Variants in MRPS9 observed in about 807,000 individuals in gnomAD.
MRPS9 encodes the protein mitochondrial ribosomal protein S9.
In MRPS9, 45 loss-of-function variants were observed where a neutral mutation model predicts 59.9. That is an observed-to-expected ratio of 0.75 (90% confidence interval 0.59 to 0.96). MRPS9 has a LOEUF of 0.96. Among genes scored for constraint, MRPS9 ranks in the 40% least tolerant of loss-of-function variants. The pLI, the probability that MRPS9 is intolerant of heterozygous loss-of-function variation, is 0.00. For synonymous variants in MRPS9, 171 were observed against 166.8 expected (o/e 1.03, Z -0.19); for missense variants, 473 against 481.1 (o/e 0.98, Z 0.16).
In MRPS9 at chr2:105,092,640, T is replaced by C; in HGVS notation, c.820+71T>C. ...AAACTACAATTATTTTTATTTGCTA[T>C]TGCTTTCTGGTATCCATTAGATTTT... is the stretch of plus-strand genomic sequence containing the variant. On this transcript the variant is annotated intron_variant, in intron 8 of 10. Coordinates refer to ENST00000258455, the MANE Select transcript of MRPS9 (RefSeq NM_182640.3). 3.1e-6 allele frequency: 4 copies of C among 1,290,996 alleles called. No individual in the cohort carries two copies. In the South Asian group the frequency reaches 4.9e-5, roughly 16 times the overall value. 80.0% of individuals were successfully genotyped at this position (1,290,996 alleles called of 1,614,324 possible).
intron 2 of MRPS9, among the ~76,000 whole-genome samples, chr2:105,060,414 T>C (rs1483286452): frequency 6.6e-6 from 1 of 152,186 alleles, no homozygotes; most frequent in Non-Finnish European, 1.5e-5. Flanking sequence ...CCCAAGTATC[T>C]GAGATTACAC....
chr2:105,050,828 A>T (rs983356466), intron 2 of MRPS9, among the ~76,000 whole-genome samples: 1 of 152,202 alleles, frequency 6.6e-6, no homozygotes, highest in African/African-American at 2.4e-5. Flanking sequence ...GGACTTTCAT[A>T]TAAGTAGAGT....
intron 1 of MRPS9, among the ~76,000 whole-genome samples, chr2:105,047,365 A>T (rs1004499675): frequency 1.3e-5 from 2 of 151,652 alleles, no homozygotes; most frequent in Non-Finnish European, 2.9e-5. Flanking sequence ...AAAAACATAT[A>T]TTTTTTTCAT....
At chr2:105,068,392 A>G (rs575456069) in intron 2 of MRPS9, among the ~76,000 whole-genome samples, 7 of 152,320 alleles carry the variant, frequency 4.6e-5, no homozygotes, top group African/African-American at 1.7e-4. Context: ...TCAGAATTAT[A>G]GTATCAGTGT....
intron 2 of MRPS9, among the ~76,000 whole-genome samples, chr2:105,052,745 G>A (rs1050194426): frequency 1.3e-5 from 2 of 152,070 alleles, no homozygotes; most frequent in Non-Finnish European, 2.9e-5. Flanking sequence ...ATCTGGGCCT[G>A]GGCTTTTCTT....
At chr2:105,056,192 T>C (rs79034757) in intron 2 of MRPS9, among the ~76,000 whole-genome samples, 1 of 87,316 alleles carries the variant, frequency 1.1e-5, no homozygotes, top group Non-Finnish European at 2.6e-5. Context: ...ATAGGTATCT[T>C]TTTTTTTTTT....
At chr2:105,062,784 G>A (rs1424621896) in intron 2 of MRPS9, among the ~76,000 whole-genome samples, 4 of 152,138 alleles carry the variant, frequency 2.6e-5, no homozygotes, top group African/African-American at 4.8e-5. Flanking sequence ...GTCAGTGAGC[G>A]TAGTAGCCAC....
chr2:105,084,102 A>T (rs1680401184), intron 5 of MRPS9, among the ~76,000 whole-genome samples: 1 of 152,138 alleles, frequency 6.6e-6, no homozygotes, highest in African/African-American at 2.4e-5. Flanking sequence ...GAAAGTATGC[A>T]ACTCTAAACA....
rs1189109732 is a variant in MRPS9 at position 105,099,794 on chromosome 2, A to T, written c.*33A>T. The T allele has an allele frequency of 6.2e-7, 1 of 1,600,780 alleles. No homozygotes were observed. The stretch of plus-strand genomic sequence containing the variant: ...CTCCCAGGAAAGGAGAGGAAGAGCT[A>T]TATATATGTGCCGACATGTGGCAGA... On this transcript the variant is annotated 3_prime_UTR_variant, in exon 11 of 11. Coordinates refer to ENST00000258455, the MANE Select transcript of MRPS9 (RefSeq NM_182640.3).
At chr2:105,089,145 C>T (rs1680508570) in intron 6 of MRPS9, 76 bp downstream of exon 6, 1 of 1,108,698 alleles carries the variant, frequency 9.0e-7, no homozygotes, top group Non-Finnish European at 1.3e-6. Flanking sequence ...TTTTTTTAGA[C>T]ATACCTGAAG....
At chr2:105,075,138 T>C (rs1680183324) in intron 4 of MRPS9, among the ~76,000 whole-genome samples, 1 of 152,090 alleles carries the variant, frequency 6.6e-6, no homozygotes, top group Admixed American at 6.5e-5. Flanking sequence ...CACAATAGGG[T>C]TCACGCTCCT....
rs1451275002 is a variant in MRPS9, at chr2:105,091,399, G to A, written c.652-1002G>A. On this transcript the variant is annotated intron_variant, in intron 7 of 10. Coordinates refer to ENST00000258455, the MANE Select transcript of MRPS9 (RefSeq NM_182640.3). ...CAGAACGCCCAGGCCAGTGACTGGA[G>A]AGGAGCATGGAGCTCTGCCCACCCA... 1.1e-5 allele frequency: 5 copies of A among 470,946 alleles called. No individual in the cohort carries two copies. The East Asian group carries it at 3.5e-4, about 33-fold the overall frequency. 29.2% of individuals were successfully genotyped at this position (470,946 alleles called of 1,614,324 possible).
intron 9 of MRPS9, among the ~76,000 whole-genome samples, chr2:105,095,205 G>A (rs12623987): frequency 0.19 from 29,616 of 152,056 alleles, 3,050 homozygotes; most frequent in Middle Eastern, 0.34. Context: ...GATCTTGATC[G>A]GAATTCTGTC....
chr2:105,078,107 C>T (rs1243972425), intron 4 of MRPS9, among the ~76,000 whole-genome samples: 1 of 149,714 alleles, frequency 6.7e-6, no homozygotes, highest in Non-Finnish European at 1.5e-5. Context: ...GTCCTGGCAG[C>T]ACGTGTTTGT....
At chr2:105,063,475 T>C (rs1304439370) in intron 2 of MRPS9, among the ~76,000 whole-genome samples, 5 of 152,240 alleles carry the variant, frequency 3.3e-5, no homozygotes, top group Admixed American at 2.6e-4. Flanking sequence ...CTTTTTCTTA[T>C]GAAAACTTTC....
chr2:105,054,370 G>A (rs1679763333), intron 2 of MRPS9, among the ~76,000 whole-genome samples: 1 of 152,194 alleles, frequency 6.6e-6, no homozygotes, highest in African/African-American at 2.4e-5. Context: ...TGGGTACATT[G>A]ATTTATCACT....
chr2:105,093,615 T>G lies in MRPS9; in HGVS notation c.906T>G (p.Leu302=). The change falls in exon 9 of 11, where the codon CTT becomes CTG. Residue 302 remains leucine, a synonymous_variant. Coordinates refer to ENST00000258455, the MANE Select transcript of MRPS9 (RefSeq NM_182640.3). ...RIKVNGIDYQ[L]YFPITQDREQ... is the part of the protein sequence containing the mutation. ...AAGTAAATGGAATTGATTACCAGCT[T>G]TACTTCCCGATCACACAGGACAGGT... 1.2e-6 allele frequency: 2 copies of G among 1,604,964 alleles called. No individual in the cohort carries two copies. The highest frequency in any genetic ancestry group is 1.7e-6 in the Non-Finnish European group (2 of 1,174,870).
chr2:105,097,427 CA>C, intron 10 of MRPS9, 103 bp downstream of exon 10: 8 of 1,041,536 alleles, frequency 7.7e-6, no homozygotes, highest in Non-Finnish European at 1.0e-5. Context: ...TATATAGTTA[CA>C]TATGTAATAT....
intron 1 of MRPS9, among the ~76,000 whole-genome samples, chr2:105,040,589 G>T (rs1012711869): frequency 3.3e-5 from 5 of 152,168 alleles, no homozygotes; most frequent in African/African-American, 1.2e-4. Context: ...TCTCAGTTGA[G>T]ACCTTCACTA....
Sources: gnomAD v4.1 joint callset for allele counts (sites outside exome capture counted in the v4.1 genomes callset) on GRCh38, gnomAD v4.1.1 for gene constraint, MANE v1.5 for transcripts, NCBI Gene and HGNC (gene_info 2026-07-23, HGNC 2026-07-21) for gene names.